NRG1: variants seen among roughly 807,000 people sequenced by gnomAD.
NRG1 encodes neuregulin 1.
In NRG1, 18 loss-of-function variants were observed where a neutral mutation model predicts 63.8. That is an observed-to-expected ratio of 0.28 (90% CI 0.19 to 0.42). The LOEUF (loss-of-function observed/expected upper bound fraction) is 0.42, where lower values mean the gene tolerates loss of function less well. NRG1 is among the 10% of genes least tolerant of loss of function. The pLI, the probability that NRG1 is intolerant of heterozygous loss-of-function variation, is 1.00. For missense variants in NRG1, 762 were observed against 814.7 expected (o/e 0.94, Z 0.79); for synonymous variants, 302 against 301.3 (o/e 1.00, Z -0.02).
At chr8:32,743,597 A>ATATAT (rs1335040311) in intron 7 of NRG1, among the ~76,000 whole-genome samples, 21 of 37,026 alleles carry the variant, frequency 5.7e-4, no homozygotes, top group Admixed American at 1.3e-3. Context: ...TATATATATA[A>ATATAT]AACTTAATAA....
intron 1 of NRG1, among the ~76,000 whole-genome samples, chr8:32,021,461 C>G (rs1156985378): frequency 1.3e-5 from 2 of 152,180 alleles, no homozygotes; most frequent in African/African-American, 2.4e-5. Flanking sequence ...AGAGTGAGAA[C>G]TTACTACCAG....
chr8:32,507,162 T>C (rs1828635032), intron 1 of NRG1, among the ~76,000 whole-genome samples: 1 of 67,996 alleles, frequency 1.5e-5, no homozygotes, highest in Non-Finnish European at 3.1e-5. Flanking sequence ...AAATCCTTTA[T>C]AGAAGTACAA....
intron 1 of NRG1, among the ~76,000 whole-genome samples, chr8:31,861,669 A>AAACAT (rs1165132776): frequency 6.6e-6 from 1 of 152,196 alleles, no homozygotes; most frequent in Non-Finnish European, 1.5e-5. Flanking sequence ...GCTTTAAGAA[A>AAACAT]AACATAAAAT....
chr8:32,481,664 G>T (rs1825302020), intron 1 of NRG1, among the ~76,000 whole-genome samples: 1 of 152,232 alleles, frequency 6.6e-6, no homozygotes. Context: ...TGCCTTAATT[G>T]ATTCACCTCT....
At chr8:32,748,872 C>G in intron 7 of NRG1, 2 of 281,078 alleles carry the variant, frequency 7.1e-6, no homozygotes, top group South Asian at 5.9e-5. Context: ...TCCCAAGCCC[C>G]TGTTTGGGGT....
intron 1 of NRG1, among the ~76,000 whole-genome samples, chr8:32,567,138 A>G (rs1185551301): frequency 6.6e-6 from 1 of 152,200 alleles, no homozygotes; most frequent in East Asian, 1.9e-4. Flanking sequence ...GCACCTGGCC[A>G]GTAGCATTCT....
chr8:32,349,202 A>C (rs1805282186), intron 1 of NRG1, among the ~76,000 whole-genome samples: 1 of 152,222 alleles, frequency 6.6e-6, no homozygotes, highest in South Asian at 2.1e-4. Flanking sequence ...GCCAATCAGA[A>C]TCCCAATGGT....
At chr8:32,642,175 G>A (rs534180288) in intron 5 of NRG1, among the ~76,000 whole-genome samples, 3 of 152,160 alleles carry the variant, frequency 2.0e-5, no homozygotes, top group Non-Finnish European at 4.4e-5. Context: ...ATTTTAGATA[G>A]TTGGCTATGA....
intron 1 of NRG1, among the ~76,000 whole-genome samples, chr8:32,059,075 A>G (rs775144863): frequency 3.3e-5 from 5 of 152,110 alleles, no homozygotes; most frequent in Non-Finnish European, 5.9e-5. Flanking sequence ...CATTTTTTTA[A>G]GAGACCAATG....
intron 1 of NRG1, among the ~76,000 whole-genome samples, chr8:31,699,388 T>A (rs1197300987): frequency 6.6e-6 from 1 of 152,194 alleles, no homozygotes; most frequent in Admixed American, 6.5e-5. Flanking sequence ...TGTAATTTTT[T>A]AGCCTTTGCA....
intron 5 of NRG1, among the ~76,000 whole-genome samples, chr8:32,693,897 C>T (rs935201966): frequency 5.9e-5 from 9 of 152,034 alleles, no homozygotes; most frequent in Non-Finnish European, 1.3e-4. Context: ...CTCTATAGAC[C>T]CTCTAATTTT....
At chr8:32,194,994 A>G (rs1842829031) in intron 1 of NRG1, among the ~76,000 whole-genome samples, 1 of 152,206 alleles carries the variant, frequency 6.6e-6, no homozygotes, top group Non-Finnish European at 1.5e-5. Context: ...TGATTGATTT[A>G]GCTATATGTA....
chr8:31,849,254 C>T (rs1034944039), intron 1 of NRG1, among the ~76,000 whole-genome samples: 1 of 152,208 alleles, frequency 6.6e-6, no homozygotes, highest in Non-Finnish European at 1.5e-5. Flanking sequence ...TAGTAAATGG[C>T]TCAAACTCAG....
chr8:32,409,934 G>T (rs897058624), intron 1 of NRG1, among the ~76,000 whole-genome samples: 1 of 152,060 alleles, frequency 6.6e-6, no homozygotes, highest in African/African-American at 2.4e-5. Context: ...TCTTTCATCT[G>T]TGTCTTACAG....
intron 1 of NRG1, among the ~76,000 whole-genome samples, chr8:32,218,700 A>G (rs1461155240): frequency 6.6e-6 from 1 of 152,198 alleles, no homozygotes; most frequent in Non-Finnish European, 1.5e-5. Context: ...TTGTTCTTTC[A>G]AATGTTAACT....
intron 1 of NRG1, among the ~76,000 whole-genome samples, chr8:31,936,100 A>T (rs2129620418): frequency 6.6e-6 from 1 of 152,328 alleles, no homozygotes; most frequent in South Asian, 2.1e-4. Context: ...ACAATACAGG[A>T]GATGCACAAG....
chr8:32,080,764 CGTGTGTGTGTGTGTGT>C lies in NRG1; in HGVS notation c.37+441363_37+441378del, dbSNP rs3084557. 2.4e-3 allele frequency among the ~76,000 whole-genome samples: 352 copies of C among 148,834 alleles called. 1 individual carries two copies. The highest frequency in any genetic ancestry group is 2.4e-3 in the Non-Finnish European group (161 of 67,276). ...GGGACAGAACCAATTTGTGTGTGTG[CGTGTGTGTGTGTGTGT>C]GTGTGTGTGTGTGTGTGTGTGTGTG... On this transcript the variant is annotated intron_variant, in intron 1 of 10. Transcript: ENST00000519301.
chr8:32,069,903 C>G (rs1441748390), intron 1 of NRG1, among the ~76,000 whole-genome samples: 1 of 152,090 alleles, frequency 6.6e-6, no homozygotes, highest in Non-Finnish European at 1.5e-5. Context: ...GTGTGGCGTG[C>G]CCACACATCT....
intron 1 of NRG1, among the ~76,000 whole-genome samples, chr8:32,239,210 C>G (rs775840753): frequency 6.8e-6 from 1 of 147,886 alleles, no homozygotes; most frequent in African/African-American, 2.5e-5. Context: ...CAGAGACAAA[C>G]AAATATGCCT....
Sources: gnomAD v4.1 joint callset for allele counts (sites outside exome capture counted in the v4.1 genomes callset) on GRCh38, gnomAD v4.1.1 for gene constraint, MANE v1.5 for transcripts, NCBI Gene and HGNC (gene_info 2026-07-23, HGNC 2026-07-21) for gene names.